BBX: variants seen among roughly 807,000 people sequenced by gnomAD.
BBX encodes HMG box transcription factor BBX.
In BBX, 30 loss-of-function variants were observed where a neutral mutation model predicts 100.2. The ratio of observed to expected loss-of-function variants is 0.30; its 90% CI spans 0.22 to 0.41. The LOEUF is 0.41. BBX is among the 10% of genes least tolerant of loss of function. The probability of loss-of-function intolerance (pLI) is 1.00; values close to 1 mark genes in which losing one functional copy is unlikely to be tolerated. For synonymous variants in BBX, 376 were observed against 388.1 expected, an observed-to-expected ratio of 0.97 and a Z score of 0.37; for missense variants, 1,023 against 1,129.8, an observed-to-expected ratio of 0.91 and a Z score of 1.35.
intron 3 of BBX, among the ~76,000 whole-genome samples, chr3:107,688,157 C>T (rs2059955024): frequency 6.6e-6 from 1 of 152,188 alleles, no homozygotes; most frequent in African/African-American, 2.4e-5. Context: ...CACAAAATTC[C>T]AGTTCTGTTC....
At chr3:107,658,399 C>G (rs979580968) in intron 3 of BBX, among the ~76,000 whole-genome samples, 1 of 152,118 alleles carries the variant, frequency 6.6e-6, no homozygotes, top group East Asian at 1.9e-4. Flanking sequence ...AAATGCCTTA[C>G]TCATAAGTCT....
intron 13 of BBX, among the ~76,000 whole-genome samples, chr3:107,782,960 A>G (rs957862830): frequency 1.3e-5 from 2 of 152,106 alleles, no homozygotes; most frequent in African/African-American, 4.8e-5. Flanking sequence ...TGTTTTCTGA[A>G]TGATTCCTTC....
intron 12 of BBX, among the ~76,000 whole-genome samples, chr3:107,775,255 G>A (rs1192493961): frequency 1.3e-5 from 2 of 152,098 alleles, no homozygotes; most frequent in Non-Finnish European, 2.9e-5. Flanking sequence ...AAAATGTAAG[G>A]TAAATGAAAT....
At chr3:107,612,802 G>A (rs942489386) in intron 2 of BBX, among the ~76,000 whole-genome samples, 1 of 152,194 alleles carries the variant, frequency 6.6e-6, no homozygotes, top group African/African-American at 2.4e-5. Context: ...GATAGTCAAG[G>A]CAGGCAGTCT....
chr3:107,795,884 AAAGG>A (rs1456708116), intron 15 of BBX, among the ~76,000 whole-genome samples: 1 of 152,180 alleles, frequency 6.6e-6, no homozygotes, highest in Non-Finnish European at 1.5e-5. Context: ...ACAAACTAGA[AAAGG>A]AACAACTATT....
intron 3 of BBX, among the ~76,000 whole-genome samples, chr3:107,655,334 T>C (rs1189055686): frequency 1.3e-5 from 2 of 152,176 alleles, no homozygotes; most frequent in African/African-American, 4.8e-5. Context: ...TGCTACCTGC[T>C]ATTAGTATTA....
intron 1 of BBX, among the ~76,000 whole-genome samples, chr3:107,525,677 C>A (rs1195205973): frequency 6.6e-6 from 1 of 152,178 alleles, no homozygotes; most frequent in Non-Finnish European, 1.5e-5. Flanking sequence ...CTCTTCCTCC[C>A]TCCTTGTTTC....
intron 3 of BBX, among the ~76,000 whole-genome samples, chr3:107,690,997 C>G (rs1204730366): frequency 6.8e-6 from 1 of 146,324 alleles, no homozygotes; most frequent in East Asian, 2.1e-4. Context: ...CCTCCTGGCT[C>G]CAAGGCTCAG....
chr3:107,660,483 G>A (rs752419230), intron 3 of BBX, among the ~76,000 whole-genome samples: 2 of 130,436 alleles, frequency 1.5e-5, no homozygotes, highest in African/African-American at 5.8e-5. Flanking sequence ...TTTTTAAATC[G>A]TAAGTATTGT....
rs71299353 is a variant in BBX, at chr3:107,597,837, GGTTTT to G, written c.-83-47973_-83-47969del. Among the ~76,000 whole-genome samples, 44 of 152,116 alleles carry G rather than the reference GGTTTT, an allele frequency of 2.9e-4. No homozygotes were observed. The East Asian group carries it at 5.0e-3, about 17-fold the overall frequency. On this transcript the variant is annotated intron_variant, in intron 2 of 17. Coordinates refer to ENST00000325805, the MANE Select transcript of BBX (RefSeq NM_001142568.3). ...ATTGTCCCCTTGTGTCCTGCCCAGA[GGTTTT>G]GTTTTGTTTTGTTTTGTTTTGTTTT...
intron 4 of BBX, among the ~76,000 whole-genome samples, chr3:107,713,116 A>G (rs574135029): frequency 3.3e-5 from 5 of 152,192 alleles, no homozygotes; most frequent in African/African-American, 4.8e-5. Context: ...TTTGTTGTAT[A>G]TGAAGAAACT....
intron 3 of BBX, chr3:107,662,580 G>T (rs1359722768): frequency 1.3e-5 from 2 of 151,404 alleles, no homozygotes; most frequent in African/African-American, 4.9e-5. Flanking sequence ...ATTAGAACAT[G>T]GTTCAGGGAT....
intron 14 of BBX, among the ~76,000 whole-genome samples, chr3:107,790,261 A>C (rs1291225107): frequency 6.6e-6 from 1 of 152,126 alleles, no homozygotes; most frequent in East Asian, 1.9e-4. Context: ...TACTTCATGA[A>C]ATCTTACAGT....
chr3:107,573,636 T>A (rs1218049975), intron 2 of BBX, among the ~76,000 whole-genome samples: 3 of 152,248 alleles, frequency 2.0e-5, no homozygotes, highest in Non-Finnish European at 4.4e-5. Context: ...AAATATAGAT[T>A]AAACATAGTT....
intron 2 of BBX, among the ~76,000 whole-genome samples, chr3:107,562,676 G>GT (rs199646680): frequency 1.2e-4 from 18 of 151,612 alleles, no homozygotes; most frequent in African/African-American, 2.9e-4. Flanking sequence ...TTACAAAACT[G>GT]TTTTTTTTAC....
At chr3:107,621,949 C>A (rs970570754) in intron 2 of BBX, among the ~76,000 whole-genome samples, 1 of 152,054 alleles carries the variant, frequency 6.6e-6, no homozygotes, top group South Asian at 2.1e-4. Context: ...TTTAATTTTT[C>A]GATTACCAGC....
chr3:107,762,852 A>C (rs1402699756), intron 10 of BBX, among the ~76,000 whole-genome samples: 1 of 152,198 alleles, frequency 6.6e-6, no homozygotes, highest in Non-Finnish European at 1.5e-5. Context: ...TCTAATTTGA[A>C]AATTAAAAAT....
intron 3 of BBX, among the ~76,000 whole-genome samples, chr3:107,693,118 G>C: frequency 6.7e-6 from 1 of 148,164 alleles, no homozygotes; most frequent in Non-Finnish European, 1.5e-5. Context: ...AGATGAGTAG[G>C]TTGTGAAAAT....
intron 2 of BBX, among the ~76,000 whole-genome samples, chr3:107,540,256 G>A (rs2048772492): frequency 6.6e-6 from 1 of 152,190 alleles, no homozygotes. Flanking sequence ...GAAAGATGCA[G>A]CCCATGGGGG....
Sources: allele counts gnomAD v4.1 joint callset (sites outside exome capture counted in the v4.1 genomes callset), GRCh38; gene constraint gnomAD v4.1.1; transcripts MANE v1.5; gene names NCBI Gene and HGNC (gene_info 2026-07-23, HGNC 2026-07-21).